COPS7B: variants seen among roughly 807,000 people sequenced by gnomAD.
COPS7B encodes the protein COP9 signalosome subunit 7B.
Under a neutral mutation model 33.4 loss-of-function variants are expected in COPS7B, and 9 were observed. The ratio of observed to expected loss-of-function variants is 0.27; its 90% CI spans 0.16 to 0.47. The LOEUF is 0.47. Ranked by LOEUF, COPS7B falls within the 20% of genes least tolerant of loss-of-function variation. COPS7B has a pLI of 0.99. For synonymous variants in COPS7B, 119 were observed against 126.3 expected, an observed-to-expected ratio of 0.94 and a Z score of 0.39; for missense variants, 242 against 318.2, an observed-to-expected ratio of 0.76 and a Z score of 1.82.
rs772783538 is a variant in COPS7B, at chr2:231,807,461, A to T, written c.637-26A>T. On this transcript the variant is annotated intron_variant, in intron 6 of 6. Coordinates refer to ENST00000350033, the MANE Select transcript of COPS7B (RefSeq NM_022730.4). Reference sequence around the variant, plus strand: ...TTTGGTGAGCACATACAGGCTGAGCACTCCAATTCTATATCTCCCCACCAG... The same window carrying T: ...TTTGGTGAGCACATACAGGCTGAGCTCTCCAATTCTATATCTCCCCACCAG... The T allele has an allele frequency of 5.6e-6, 9 of 1,594,778 alleles. No individual in the cohort carries two copies. In the South Asian group the frequency reaches 1.0e-4, roughly 18 times the overall value.
Position 231,807,690 on chromosome 2 carries a change from G to A in COPS7B, c.*45G>A. On this transcript the variant is annotated 3_prime_UTR_variant, in exon 7 of 7. Transcript: ENST00000350033. ...CACTCACCAGGCCTGGGTCAGGTGG[G>A]GAGGGGACACCAAGGGCCCATTTCC... The A allele has an allele frequency of 6.6e-7, 1 of 1,509,610 alleles. No homozygotes were observed. The highest frequency in any genetic ancestry group is 8.9e-7 in the Non-Finnish European group (1 of 1,127,082). 93.5% of individuals were successfully genotyped at this position (1,509,610 alleles called of 1,614,324 possible).
rs149989598 is a variant in COPS7B at position 231,804,915 on chromosome 2, G to T, written c.637-2572G>T. 8.0e-4 allele frequency among the ~76,000 whole-genome samples: 122 copies of T among 152,250 alleles called. 1 individual carries two copies. Among genetic ancestry groups the T allele is most frequent in the African/African-American group, 2.4e-3 (98 of 41,542 alleles). ...AAGTCATGTCGTTACCTCTTATTATGATTTTAGTTCATTTTCTTCTGGATA... is the reference window on the plus strand; with the variant it reads ...AAGTCATGTCGTTACCTCTTATTATTATTTTAGTTCATTTTCTTCTGGATA... On this transcript the variant is annotated intron_variant, in intron 6 of 6. Coordinates refer to ENST00000350033, the MANE Select transcript of COPS7B (RefSeq NM_022730.4).
intron 6 of COPS7B, among the ~76,000 whole-genome samples, chr2:231,801,659 G>T (rs1372061865): frequency 1.3e-5 from 2 of 150,170 alleles, no homozygotes; most frequent in African/African-American, 2.4e-5. Context: ...GGGAGAACTG[G>T]GTTTTGCTGT....
At chr2:231,785,809 A>G (rs2049225596), upstream of COPS7B, among the ~76,000 whole-genome samples, 1 of 152,226 alleles carries the variant, frequency 6.6e-6, no homozygotes, top group Non-Finnish European at 1.5e-5. Context: ...GGTAAGCACC[A>G]GATGCAACTC....
upstream of COPS7B, among the ~76,000 whole-genome samples, chr2:231,782,746 A>G: frequency 6.6e-6 from 1 of 152,240 alleles, no homozygotes; most frequent in East Asian, 1.9e-4. Flanking sequence ...GGAGGCCCTG[A>G]TGAAAAGGTT....
chr2:231,801,192 C>T (rs566446390), intron 6 of COPS7B: 1 of 1,550,410 alleles, frequency 6.4e-7, no homozygotes, highest in African/African-American at 1.4e-5. Context: ...AATCTTATAA[C>T]AACAGCTTTC....
chr2:231,798,259 T>C (rs1414712051), intron 5 of COPS7B, among the ~76,000 whole-genome samples: 1 of 147,108 alleles, frequency 6.8e-6, no homozygotes, highest in Non-Finnish European at 1.5e-5. Context: ...ACCTTCTTTT[T>C]TTTTTTTTTT....
Position 231,796,112 on chromosome 2 carries a change from C to T in COPS7B, c.334C>T (p.Pro112Ser). 6.2e-7 allele frequency: 1 copy of T among 1,613,464 alleles called. No individual in the cohort carries two copies. The highest frequency in any genetic ancestry group is 1.1e-5 in the South Asian group (1 of 91,052). Reference sequence around the variant, plus strand: ...CACATGGCCTTATCTACAGTGTATCCCCTACTCCGTGTTGCTGAAAGACCT... The same window carrying T: ...CACATGGCCTTATCTACAGTGTATCTCCTACTCCGTGTTGCTGAAAGACCT... ...VSLASRMKCIPYSVLLKDLEM... is the reference protein window; with the variant it reads ...VSLASRMKCISYSVLLKDLEM... The change falls in exon 5 of 7, where the codon CCC (proline) becomes TCC (serine). Residue 112 changes from proline to serine, a missense_variant. Transcript: ENST00000350033.
At chr2:231,795,228 T>TA (rs988823809) in intron 4 of COPS7B, among the ~76,000 whole-genome samples, 3 of 152,114 alleles carry the variant, frequency 2.0e-5, no homozygotes, top group African/African-American at 7.2e-5. Flanking sequence ...CTTTTTAACT[T>TA]AAAAAATTTT....
intron 4 of COPS7B, among the ~76,000 whole-genome samples, chr2:231,795,692 C>T (rs191286783): frequency 7.9e-5 from 12 of 152,210 alleles, no homozygotes; most frequent in African/African-American, 2.7e-4. Context: ...TGTTTTTGCA[C>T]TCTGCTGGGC....
upstream of COPS7B, chr2:231,781,753 G>T: frequency 7.4e-7 from 1 of 1,354,744 alleles, no homozygotes; most frequent in Non-Finnish European, 1.0e-6. Flanking sequence ...AAACCCGCCC[G>T]CTGAGTTGGT....
chr2:231,785,316 A>G (rs1349510537), upstream of COPS7B, among the ~76,000 whole-genome samples: 3 of 152,134 alleles, frequency 2.0e-5, no homozygotes, highest in Admixed American at 6.6e-5. Flanking sequence ...ACCTGACTCC[A>G]GCTCTGTACC....
intron 6 of COPS7B, chr2:231,801,181 G>C (rs1296651779): frequency 1.9e-6 from 3 of 1,550,372 alleles, no homozygotes; most frequent in Non-Finnish European, 1.7e-6. Context: ...TCCCCCTCCT[G>C]AATCTTATAA....
In COPS7B at chr2:231,798,892, C is replaced by T. The variant is rs151262636; in HGVS notation, c.564C>T (p.Ile188=). 3.1e-6 allele frequency: 5 copies of T among 1,614,116 alleles called. No individual in the cohort carries two copies. The highest frequency in any genetic ancestry group is 3.4e-6 in the Non-Finnish European group (4 of 1,180,010). The change falls in exon 6 of 7, where the codon ATC becomes ATT. Residue 188 remains isoleucine (I), a synonymous_variant. Coordinates refer to ENST00000350033, the MANE Select transcript of COPS7B (RefSeq NM_022730.4). ...CDGCEAVLLG[I]EQQVLRANQY... The stretch of plus-strand genomic sequence containing the variant: ...GCTGTGAAGCAGTTCTACTGGGCAT[C>T]GAGCAGCAAGTTCTGAGAGCCAACC...
At chr2:231,787,974 T>C (rs1002046174) in intron 1 of COPS7B, among the ~76,000 whole-genome samples, 3 of 152,206 alleles carry the variant, frequency 2.0e-5, no homozygotes, top group African/African-American at 7.2e-5. Context: ...TGGTCAGGTT[T>C]AAGGACTTAG....
chr2:231,795,462 T>C (rs1019499643), intron 4 of COPS7B, among the ~76,000 whole-genome samples: 1 of 152,212 alleles, frequency 6.6e-6, no homozygotes, highest in African/African-American at 2.4e-5. Flanking sequence ...GGGAGGCCTA[T>C]TTTGTTGTGA....
At position 231,808,918 on chromosome 2, in the gene COPS7B, A is replaced by C. The variant is rs1235982950; in HGVS notation, c.*1273A>C. On this transcript the variant is annotated 3_prime_UTR_variant, in exon 7 of 7. Transcript: ENST00000350033. ...AACAAAAAAATAAAAGTGTAGATTTAATGTATGTGACTGGGGTTTGGGGTT... is the reference window on the plus strand; with the variant it reads ...AACAAAAAAATAAAAGTGTAGATTTCATGTATGTGACTGGGGTTTGGGGTT... 1 of 153,814 alleles carries C rather than the reference A, an allele frequency of 6.5e-6. No homozygotes were observed. Among genetic ancestry groups the C allele is most frequent in the Non-Finnish European group, 1.4e-5 (1 of 70,184 alleles). The allele number at this position is 153,814 out of a possible 1,614,324, so 9.5% of individuals were successfully genotyped here.
intron 5 of COPS7B, among the ~76,000 whole-genome samples, chr2:231,796,565 T>C (rs1422129433): frequency 6.6e-6 from 1 of 152,228 alleles, no homozygotes; most frequent in Non-Finnish European, 1.5e-5. Flanking sequence ...AAAAGTGGGC[T>C]ATAAAATGCC....
upstream of COPS7B, among the ~76,000 whole-genome samples, chr2:231,784,164 G>T (rs2049187358): frequency 6.6e-6 from 1 of 151,894 alleles, no homozygotes; most frequent in Non-Finnish European, 1.5e-5. Flanking sequence ...GAGTTAGGAG[G>T]GAGGCACACT....
Sources: gnomAD v4.1 joint callset for allele counts (sites outside exome capture counted in the v4.1 genomes callset) on GRCh38, gnomAD v4.1.1 for gene constraint, MANE v1.5 for transcripts, NCBI Gene and HGNC (gene_info 2026-07-23, HGNC 2026-07-21) for gene names.